The following SMYD4 variants were observed in gnomAD, a reference collection of about 807,000 sequenced individuals.
SMYD4 encodes the protein SET and MYND domain containing 4.
In SMYD4, 68 loss-of-function variants were observed where a neutral mutation model predicts 72.8. The ratio of observed to expected loss-of-function variants is 0.93; its 90% CI spans 0.77 to 1.14. The LOEUF (loss-of-function observed/expected upper bound fraction) is 1.14. Among genes scored for constraint, SMYD4 ranks in the 50% most tolerant of loss-of-function variants. SMYD4 has a pLI of 0.00. For synonymous variants in SMYD4, 407 were observed against 388.6 expected (o/e 1.05, Z -0.56); for missense variants, 984 against 1,003.7 (o/e 0.98, Z 0.27).
At chr17:1,795,405 C>CTCTATCTA (rs6145948) in intron 5 of SMYD4, among the ~76,000 whole-genome samples, 11,928 of 148,780 alleles carry the variant, frequency 0.08, 632 homozygotes, top group Admixed American at 0.17. Context: ...ACGATCTCAG[C>CTCTATCTA]TCTATCTATC....
intron 7 of SMYD4, among the ~76,000 whole-genome samples, chr17:1,784,781 T>TC (rs1908563618): frequency 6.6e-6 from 1 of 151,784 alleles, no homozygotes; most frequent in Admixed American, 6.6e-5. Flanking sequence ...CAAACATTTC[T>TC]TTTTTTTGAG....
At position 1,827,899 on chromosome 17, in the gene SMYD4, G is replaced by A; in HGVS notation, c.96C>T (p.Thr32=). The A allele has an allele frequency of 1.2e-6, 2 of 1,612,596 alleles. No individual in the cohort carries two copies. The highest frequency in any genetic ancestry group is 1.7e-5 in the Admixed American group (1 of 59,984). Residue 32 remains threonine (T), a synonymous_variant, in exon 2 of 11, where the codon ACC becomes ACT. Transcript: ENST00000305513. ...AGGAGTGAAGAAAGATATCCCTCAAGGTCTCTGCTGTAGAAATTGTGACCT... is the reference window on the plus strand; with the variant it reads ...AGGAGTGAAGAAAGATATCCCTCAAAGTCTCTGCTGTAGAAATTGTGACCT... ...SVQVTISTAE[T]LRDIFLHSSS...
chr17:1,814,230 A>G (rs956445537), intron 2 of SMYD4, among the ~76,000 whole-genome samples: 1 of 151,830 alleles, frequency 6.6e-6, no homozygotes, highest in African/African-American at 2.4e-5. Context: ...GCCTGAGCCC[A>G]GGAAGTCAAG....
chr17:1,802,879 C>T (rs1010611717), intron 4 of SMYD4, among the ~76,000 whole-genome samples: 1 of 152,212 alleles, frequency 6.6e-6, no homozygotes, highest in Admixed American at 6.5e-5. Flanking sequence ...CACGGCTGGG[C>T]GCAGTGGCTC....
Position 1,800,309 on chromosome 17 carries a change from TC to T in SMYD4, c.1084del (p.Asp362MetfsTer6), listed in dbSNP as rs760011492. The T allele has an allele frequency of 1.9e-6, 3 of 1,614,120 alleles. No individual in the cohort carries two copies. In the African/African-American group the frequency reaches 4.0e-5, roughly 22 times the overall value. ...AAGCTTCGTTATGATTTTGCGAACATCCTCAAATCCCACCAAAAGAGTCAAC... is the reference window on the plus strand; with the variant it reads ...AAGCTTCGTTATGATTTTGCGAACATCTCAAATCCCACCAAAAGAGTCAAC... ...LRLTLLVGFE[D>X]VRKIITKLCD... On this transcript the variant is annotated frameshift_variant, in exon 5 of 11. Transcript: ENST00000305513. LOFTEE classifies it high-confidence loss of function.
rs746019087 is a variant in SMYD4 at position 1,786,906 on chromosome 17, G to C, written c.1788C>G (p.Asp596Glu). Residue 596 changes from aspartate to glutamate, a missense_variant, in exon 7 of 11, where the codon GAC (aspartate) becomes GAG (glutamate). Coordinates refer to ENST00000305513, the MANE Select transcript of SMYD4 (RefSeq NM_052928.3). ...CAGTTTGACAAGCTGGACAGGCGCA[G>C]TCAAAGAAATACTGAGACCTCAGCT... ...QQKLRSQYFF[D>E]CACPACQTEA... 16 of 1,614,112 alleles carry C rather than the reference G, an allele frequency of 9.9e-6. No homozygotes were observed. Among genetic ancestry groups the C allele is most frequent in the Middle Eastern group, 3.3e-4 (2 of 6,066 alleles).
chr17:1,827,246 A>G (rs1254899462), intron 2 of SMYD4, among the ~76,000 whole-genome samples: 2 of 151,660 alleles, frequency 1.3e-5, no homozygotes, highest in Non-Finnish European at 2.9e-5. Flanking sequence ...GGAAGCTGAG[A>G]TACGAGAATT....
rs754472900 is a variant in SMYD4, at chr17:1,800,816, C to T, written c.578G>A (p.Arg193His). The T allele has an allele frequency of 3.5e-5, 57 of 1,614,050 alleles. No individual in the cohort carries two copies. The East Asian group carries it at 5.1e-4, about 15-fold the overall frequency. ...LPQTLQRNLH[R>H]LKMKMQEKDS... Reference sequence around the variant, plus strand: ...CTTTTCTTGCATCTTCATTTTCAGACGATGGAGGTTTCTCTGCAGAGTCTG... The same window carrying T: ...CTTTTCTTGCATCTTCATTTTCAGATGATGGAGGTTTCTCTGCAGAGTCTG... Residue 193 changes from arginine to histidine, a missense_variant, in exon 5 of 11, where the codon CGT becomes CAT. Coordinates refer to ENST00000305513, the MANE Select transcript of SMYD4 (RefSeq NM_052928.3).
At chr17:1,782,980 A>T in intron 10 of SMYD4, 55 bp downstream of exon 10, 5 of 1,566,272 alleles carry the variant, frequency 3.2e-6, no homozygotes, top group Non-Finnish European at 4.3e-6. Flanking sequence ...AGTAATACCC[A>T]GAAGAGCCTA....
intron 7 of SMYD4, among the ~76,000 whole-genome samples, chr17:1,785,029 C>T (rs527873425): frequency 4.7e-5 from 7 of 149,414 alleles, no homozygotes; most frequent in South Asian, 4.3e-4. Context: ...CCTCATGATC[C>T]GCTCGCCTCA....
chr17:1,783,630 T>C, intron 8 of SMYD4, 154 bp from the exon 9 acceptor site: 1 of 1,329,064 alleles, frequency 7.5e-7, no homozygotes, highest in Middle Eastern at 2.6e-4. Context: ...TCTGTTCCAA[T>C]AAAGCTGCTG....
chr17:1,816,364 A>C (rs552086784), intron 2 of SMYD4, among the ~76,000 whole-genome samples: 20 of 152,038 alleles, frequency 1.3e-4, no homozygotes, highest in African/African-American at 4.8e-4. Context: ...TCACGCCTGT[A>C]ATCCCAGCAC....
intron 5 of SMYD4, among the ~76,000 whole-genome samples, chr17:1,793,928 C>G (rs537031148): frequency 8.1e-4 from 120 of 148,466 alleles, no homozygotes; most frequent in African/African-American, 2.7e-3. Context: ...TCAAGCGATT[C>G]TCCTGCCTTG....
chr17:1,811,870 T>C, intron 3 of SMYD4, 101 bp downstream of exon 3: 1 of 1,310,678 alleles, frequency 7.6e-7, no homozygotes, highest in East Asian at 2.3e-5. Flanking sequence ...AATGTTGCAG[T>C]GAGCTGAGAT....
At chr17:1,804,506 A>C in intron 4 of SMYD4, 120 bp downstream of exon 4, 1 of 883,694 alleles carries the variant, frequency 1.1e-6, no homozygotes, top group Non-Finnish European at 1.8e-6. Context: ...CTTCCAATTC[A>C]ACCAATAGCA....
In SMYD4 at chr17:1,800,698, T is replaced by C; in HGVS notation, c.696A>G (p.Ser232=). The C allele has an allele frequency of 7.4e-6, 12 of 1,614,236 alleles. No homozygotes were observed. Among genetic ancestry groups the C allele is most frequent in the Non-Finnish European group, 9.3e-6 (11 of 1,180,052 alleles). ...REENEQLSNA[S]SSIGLCVDPL... ...GATCTACGCATAAGCCGATGGATGA[T>C]GAGGCATTGGAAAGTTGTTCATTCT... The change falls in exon 5 of 11, where the codon TCA becomes TCG. Residue 232 remains serine (S), a synonymous_variant. Coordinates refer to ENST00000305513, the MANE Select transcript of SMYD4 (RefSeq NM_052928.3).
chr17:1,801,116 G>A (rs767787629), intron 4 of SMYD4, 92 bp from the exon 5 acceptor site: 5 of 1,225,102 alleles, frequency 4.1e-6, no homozygotes, highest in Non-Finnish European at 5.7e-6. Flanking sequence ...GGAAAGTTAA[G>A]GATTATTAAA....
chr17:1,794,639 T>G (rs532165027), intron 5 of SMYD4, among the ~76,000 whole-genome samples: 1 of 152,174 alleles, frequency 6.6e-6, no homozygotes. Flanking sequence ...ACTCTAATCC[T>G]TTTTGGGGGG....
chr17:1,785,715 G>A (rs566089467), intron 7 of SMYD4, among the ~76,000 whole-genome samples: 34 of 147,470 alleles, frequency 2.3e-4, no homozygotes, highest in Non-Finnish European at 4.6e-4. Context: ...AGCAGAGATC[G>A]TGCCACTGCA....
Sources: allele counts gnomAD v4.1 joint callset (sites outside exome capture counted in the v4.1 genomes callset), GRCh38; gene constraint gnomAD v4.1.1; transcripts MANE v1.5; gene names NCBI Gene and HGNC (gene_info 2026-07-23, HGNC 2026-07-21).